The following CFAP57 variants were observed in gnomAD, a reference collection of about 807,000 sequenced individuals.
CFAP57 encodes cilia and flagella associated protein 57.
Under a neutral mutation model 146.8 loss-of-function variants are expected in CFAP57, and 116 were observed. The observed-to-expected ratio is 0.79, with a 90% CI of 0.68 to 0.92. CFAP57 has a LOEUF of 0.92. Ranked by LOEUF, CFAP57 falls within the 40% of genes least tolerant of loss-of-function variation. The pLI, the probability that CFAP57 is intolerant of heterozygous loss-of-function variation, is 0.00. For synonymous variants in CFAP57, 518 were observed against 552.8 expected, an observed-to-expected ratio of 0.94 and a Z score of 0.88; for missense variants, 1,377 against 1,527.2, an observed-to-expected ratio of 0.90 and a Z score of 1.64.
intron 21 of CFAP57, among the ~76,000 whole-genome samples, chr1:43,241,766 G>C (rs1160599000): frequency 6.6e-6 from 1 of 152,270 alleles, no homozygotes; most frequent in East Asian, 1.9e-4. Flanking sequence ...ATGAGTCAGA[G>C]GGGCATCTAA....
At position 43,186,718 on chromosome 1, in the gene CFAP57, C is replaced by T; in HGVS notation, c.981C>T (p.Asp327=). 2 of 1,614,062 alleles carry T rather than the reference C, an allele frequency of 1.2e-6. No individual in the cohort carries two copies. Among genetic ancestry groups the T allele is most frequent in the Non-Finnish European group, 1.7e-6 (2 of 1,180,006 alleles). Residue 327 remains aspartate (D), a synonymous_variant, in exon 6 of 23, where the codon GAC becomes GAT. Coordinates refer to ENST00000372492, the MANE Select transcript of CFAP57 (RefSeq NM_001378189.1). ...TGCATTTTGGGCAGATTCCTGTGGA[C>T]CCGCAGAGCAATGATCCAAGTCAGT... ...RESREIRIPV[D]PQSNDPSQSD...
At chr1:43,232,065 GA>G (rs1206678570) in intron 18 of CFAP57, 1 of 701,312 alleles carries the variant, frequency 1.4e-6, no homozygotes, top group Non-Finnish European at 2.6e-6. Flanking sequence ...TTCTGCTTTA[GA>G]ATGACCCCAT....
At chr1:43,247,712 C>T (rs547381895) in intron 22 of CFAP57, among the ~76,000 whole-genome samples, 1 of 152,194 alleles carries the variant, frequency 6.6e-6, no homozygotes, top group South Asian at 2.1e-4. Flanking sequence ...TTTCTAATTT[C>T]TCTGTATGTG....
chr1:43,173,724 A>C (rs1645066212), intron 2 of CFAP57, among the ~76,000 whole-genome samples: 1 of 152,250 alleles, frequency 6.6e-6, no homozygotes, highest in Admixed American at 6.5e-5. Context: ...ATTGAGGGAC[A>C]TTTGGGAAAT....
At chr1:43,185,995 C>T (rs1339227127) in intron 5 of CFAP57, among the ~76,000 whole-genome samples, 1 of 151,752 alleles carries the variant, frequency 6.6e-6, no homozygotes, top group African/African-American at 2.4e-5. Context: ...GCTAGAATTG[C>T]TTGAACCCGG....
chr1:43,222,385 G>A (rs987013848), intron 15 of CFAP57, 90 bp downstream of exon 15: 1 of 1,192,520 alleles, frequency 8.4e-7, no homozygotes, highest in Admixed American at 3.4e-5. Context: ...CTGTATGCCA[G>A]GATGTGTTAT....
intron 18 of CFAP57, among the ~76,000 whole-genome samples, chr1:43,231,828 G>A (rs1256750024): frequency 1.3e-5 from 2 of 152,026 alleles, no homozygotes; most frequent in Non-Finnish European, 2.9e-5. Context: ...GATAGAGATC[G>A]CACCACTGCA....
intron 19 of CFAP57, among the ~76,000 whole-genome samples, chr1:43,233,484 G>A (rs1050058284): frequency 5.0e-5 from 7 of 140,886 alleles, no homozygotes; most frequent in East Asian, 2.1e-4. Context: ...GCAAGACTCC[G>A]TCTAAAAAAA....
Position 43,207,038 on chromosome 1 carries a change from G to A in CFAP57, c.1755+106G>A. 2.7e-6 allele frequency: 3 copies of A among 1,112,556 alleles called. No individual in the cohort carries two copies. In the South Asian group the frequency reaches 3.8e-5, roughly 14 times the overall value. The allele number at this position is 1,112,556 out of a possible 1,614,324, so 68.9% of individuals were successfully genotyped here. A position where few individuals can be genotyped will look rare whatever the true frequency, so the allele number is the denominator to read the frequency against. On this transcript the variant is annotated intron_variant, in intron 10 of 22. Transcript: ENST00000372492. ...CACGGAATGAGGGCCTCTGCATACA[G>A]GGCCCCTTCTTCCCAAGATAACATC...
At position 43,224,281 on chromosome 1, in the gene CFAP57, G is replaced by C. The variant is rs2124570417; in HGVS notation, c.2865+77G>C. On this transcript the variant is annotated intron_variant, in intron 17 of 22. Transcript: ENST00000372492. ...AGGAAGGCAAAGCTCAGGGGAGAGA[G>C]GGTCCCTAGCTTCTCAGGACGCATT... 2.8e-6 allele frequency: 4 copies of C among 1,427,830 alleles called. No individual in the cohort carries two copies. The South Asian group carries it at 6.2e-5, about 22-fold the overall frequency. The allele number at this position is 1,427,830 out of a possible 1,614,324, so 88.4% of individuals were successfully genotyped here.
chr1:43,254,290 A>G lies in CFAP57; in HGVS notation c.*99A>G. On this transcript the variant is annotated 3_prime_UTR_variant, in exon 23 of 23. Transcript: ENST00000372492. ...TTGGAGTCTGTATGGTCCCTGCAGC[A>G]CTGACCCCAGCAACCTCTTTCTCTT... is the stretch of plus-strand genomic sequence containing the variant. 1 of 1,068,462 alleles carries G rather than the reference A, an allele frequency of 9.4e-7. No homozygotes were observed. The highest frequency in any genetic ancestry group is 1.7e-5 in the South Asian group (1 of 59,086). The allele number at this position is 1,068,462 out of a possible 1,614,324, so 66.2% of individuals were successfully genotyped here. A position where few individuals can be genotyped will look rare whatever the true frequency, so the allele number is the denominator to read the frequency against.
At chr1:43,248,461 G>T (rs1646201513) in intron 22 of CFAP57, among the ~76,000 whole-genome samples, 1 of 150,036 alleles carries the variant, frequency 6.7e-6, no homozygotes, top group Non-Finnish European at 1.5e-5. Flanking sequence ...GGGACTACAG[G>T]CACGTGCCAC....
At chr1:43,237,706 C>A (rs1570311912) in intron 21 of CFAP57, among the ~76,000 whole-genome samples, 1 of 152,236 alleles carries the variant, frequency 6.6e-6, no homozygotes, top group East Asian at 1.9e-4. Context: ...AAGAGTGAGG[C>A]CTGTGAGGTG....
At chr1:43,185,751 G>C (rs58690449) in intron 5 of CFAP57, among the ~76,000 whole-genome samples, 26,500 of 149,938 alleles carry the variant, frequency 0.18, 3,404 homozygotes, top group African/African-American at 0.34. Context: ...AACCCCGTCT[G>C]TACTAAAAAT....
rs538366774 is a variant in CFAP57, at chr1:43,239,788, G to A, written c.3406-3439G>A. 4.6e-5 allele frequency among the ~76,000 whole-genome samples: 7 copies of A among 152,328 alleles called. No individual in the cohort carries two copies. The South Asian group carries it at 1.4e-3, about 32-fold the overall frequency. On this transcript the variant is annotated intron_variant, in intron 21 of 22. Coordinates refer to ENST00000372492, the MANE Select transcript of CFAP57 (RefSeq NM_001378189.1). ...AGAAATGGAGAGAGACCTCAAGCAA[G>A]CAAGCTTCCCCCTGTGGCTCTAAGA...
At chr1:43,244,056 A>T (rs952009248) in intron 22 of CFAP57, among the ~76,000 whole-genome samples, 4 of 152,222 alleles carry the variant, frequency 2.6e-5, no homozygotes, top group African/African-American at 9.6e-5. Flanking sequence ...TACCACATGG[A>T]TCCTTACAAA....
At chr1:43,226,834 A>T in intron 17 of CFAP57, 149 bp from the exon 18 acceptor site, 1 of 820,762 alleles carries the variant, frequency 1.2e-6, no homozygotes, top group Non-Finnish European at 1.7e-6. Flanking sequence ...GGGGAGTGCC[A>T]GCCTCTGTAC....
intron 18 of CFAP57, among the ~76,000 whole-genome samples, chr1:43,230,392 C>T (rs575179436): frequency 6.6e-6 from 1 of 152,306 alleles, no homozygotes; most frequent in Non-Finnish European, 1.5e-5. Flanking sequence ...CTGCATCAGG[C>T]CCTCTAAGAT....
chr1:43,186,888 G>T, intron 6 of CFAP57, 29 bp downstream of exon 6: 2 of 1,613,738 alleles, frequency 1.2e-6, no homozygotes, highest in South Asian at 1.1e-5. Flanking sequence ...GGTCCTTCCA[G>T]ACCAGGACCT....
Sources: gnomAD v4.1 joint callset for allele counts (sites outside exome capture counted in the v4.1 genomes callset) on GRCh38, gnomAD v4.1.1 for gene constraint, MANE v1.5 for transcripts, NCBI Gene and HGNC (gene_info 2026-07-23, HGNC 2026-07-21) for gene names.